Variants in DNAH3 observed in about 807,000 individuals in gnomAD.
DNAH3 encodes the protein axonemal beta dynein heavy chain 3.
DNAH3 carries 332 observed loss-of-function variants against 432.5 expected under a neutral mutation model. That is an observed-to-expected ratio of 0.77 (90% confidence interval 0.70 to 0.84). DNAH3 has a LOEUF of 0.84. Ranked by LOEUF, DNAH3 falls within the 40% of genes least tolerant of loss-of-function variation. DNAH3 has a pLI of 0.00. For synonymous variants in DNAH3, 1,956 were observed against 1,900.2 expected (o/e 1.03, Z -0.76); for missense variants, 4,861 against 5,114.0 (o/e 0.95, Z 1.51).
intron 51 of DNAH3, among the ~76,000 whole-genome samples, chr16:20,972,311 G>C (rs1878218685): frequency 6.6e-6 from 1 of 151,120 alleles, no homozygotes; most frequent in Non-Finnish European, 1.5e-5. Flanking sequence ...ATAGCTCACT[G>C]CAGCTCCTGG....
intron 52 of DNAH3, among the ~76,000 whole-genome samples, chr16:20,969,397 T>G (rs1220548077): frequency 6.6e-6 from 1 of 152,180 alleles, no homozygotes; most frequent in Non-Finnish European, 1.5e-5. Context: ...TGTCTCATTC[T>G]TTTGCTTTCC....
Position 21,061,784 on chromosome 16 carries a change from T to C in DNAH3, c.3720+698A>G, listed in dbSNP as rs529746838. ...GGGATGCAACCTGGTCATTTGGATT[T>C]TGATCAAAACTCCATAGGGAAATTC... On this transcript the variant is annotated intron_variant, in intron 25 of 61. Coordinates refer to ENST00000261383, the Ensembl canonical transcript of DNAH3. Among the ~76,000 whole-genome samples the C allele has an allele frequency of 5.3e-5, 8 of 152,360 alleles. No individual in the cohort carries two copies. The East Asian group carries it at 1.5e-3, about 29-fold the overall frequency.
chr16:21,086,825 G>C (rs747250518), intron 19 of DNAH3, 24 bp downstream of exon 19: 1 of 1,607,026 alleles, frequency 6.2e-7, no homozygotes, highest in Non-Finnish European at 8.5e-7. Context: ...CGCTGCTTGG[G>C]GGCGGGCAGT....
intron 41 of DNAH3, among the ~76,000 whole-genome samples, chr16:21,011,218 CAG>C (rs1422238341): frequency 1.3e-5 from 2 of 151,944 alleles, no homozygotes; most frequent in Non-Finnish European, 2.9e-5. Flanking sequence ...TCTCTGCAGA[CAG>C]AGCATAAACA....
chr16:21,053,729 C>T (rs1040224572), intron 28 of DNAH3, among the ~76,000 whole-genome samples: 5 of 152,098 alleles, frequency 3.3e-5, no homozygotes, highest in South Asian at 4.2e-4. Context: ...GAGCAAGAGA[C>T]TCTGTTCCCA....
At chr16:21,148,236 CAG>C (rs1460469264) in intron 1 of DNAH3, among the ~76,000 whole-genome samples, 2 of 152,004 alleles carry the variant, frequency 1.3e-5, no homozygotes, top group African/African-American at 4.8e-5. Flanking sequence ...TAAATAACAA[CAG>C]AAAAACAACA....
chr16:20,965,018 T>C, exon 53 of DNAH3: 1 of 1,614,188 alleles, frequency 6.2e-7, no homozygotes, highest in Non-Finnish European at 8.5e-7. Context: ...ATTTCAATGT[T>C]TTCCTCCAAG....
In DNAH3 at chr16:21,059,026, T is replaced by A. The variant is rs546472531; in HGVS notation, c.3814-830A>T. Among the ~76,000 whole-genome samples, 197 of 152,020 alleles carry A rather than the reference T, an allele frequency of 1.3e-3. 2 individuals are homozygous for A. Among genetic ancestry groups the A allele is most frequent in the Admixed American group, 9.2e-4 (14 of 15,230 alleles). The stretch of plus-strand genomic sequence containing the variant: ...AAATAAAATAAAATTTAAAAAAATT[T>A]AAAAAAAAGAAATACAGCCATGCCC... On this transcript the variant is annotated intron_variant, in intron 26 of 61. Coordinates refer to ENST00000261383, the Ensembl canonical transcript of DNAH3.
chr16:21,009,498 T>G (rs1329735314), intron 41 of DNAH3, among the ~76,000 whole-genome samples: 1 of 152,200 alleles, frequency 6.6e-6, no homozygotes, highest in Non-Finnish European at 1.5e-5. Context: ...ACTAAAAGAC[T>G]GAATTGGTAA....
At chr16:20,936,716 G>C (rs1460103100) in exon 60 of DNAH3, 1 of 1,608,586 alleles carries the variant, frequency 6.2e-7, no homozygotes, top group Non-Finnish European at 8.5e-7. Context: ...TGATGGGTAA[G>C]ACTTGGCTGC....
At chr16:21,037,046 C>T (rs2089206008) in intron 34 of DNAH3, among the ~76,000 whole-genome samples, 198 bp from the exon 35 acceptor site, 1 of 152,112 alleles carries the variant, frequency 6.6e-6, no homozygotes, top group Non-Finnish European at 1.5e-5. Flanking sequence ...GGCCAGAATC[C>T]CTGTGTAATC....
chr16:21,021,932 C>T (rs773994771), intron 40 of DNAH3, 39 bp downstream of exon 40: 2 of 1,608,730 alleles, frequency 1.2e-6, no homozygotes, highest in Admixed American at 1.7e-5. Context: ...AAGGTAGACC[C>T]ACCCCCCATG....
chr16:20,984,976 G>A, intron 48 of DNAH3, 73 bp downstream of exon 48: 1 of 1,278,050 alleles, frequency 7.8e-7, no homozygotes, highest in Non-Finnish European at 1.1e-6. Context: ...TAAGGGATTG[G>A]CCTGCTCAGG....
At chr16:21,002,213 T>TTC (rs2087054335) in intron 42 of DNAH3, among the ~76,000 whole-genome samples, 1 of 152,056 alleles carries the variant, frequency 6.6e-6, no homozygotes, top group Non-Finnish European at 1.5e-5. Context: ...TTCAGAAAGA[T>TTC]AAACTATGCC....
At chr16:21,127,476 G>T (rs948196574) in intron 8 of DNAH3, among the ~76,000 whole-genome samples, 1 of 151,616 alleles carries the variant, frequency 6.6e-6, no homozygotes, top group African/African-American at 2.4e-5. Context: ...CAGGATAATC[G>T]CTTGAACCCG....
In DNAH3 at chr16:21,039,878, G is replaced by C; in HGVS notation, c.4704C>G (p.Tyr1568Ter). Reference sequence around the variant, plus strand: ...TTCTGGAGTCCAGAAACCCCATGGAGTAGAGGGAGATTTCTCCAATGAGGG... The same window carrying C: ...TTCTGGAGTCCAGAAACCCCATGGACTAGAGGGAGATTTCTCCAATGAGGG... The change falls in exon 33 of 62, where the codon TAC becomes TAG. Residue 1568 changes from tyrosine (Y) to a stop codon, truncating the protein, a stop_gained. Transcript: ENST00000261383. LOFTEE classifies it high-confidence loss of function. 1 of 1,613,676 alleles carries C rather than the reference G, an allele frequency of 6.2e-7. No individual in the cohort carries two copies. The highest frequency in any genetic ancestry group is 8.5e-7 in the Non-Finnish European group (1 of 1,179,598).
intron 27 of DNAH3, among the ~76,000 whole-genome samples, chr16:21,056,670 T>C (rs2090147449): frequency 6.6e-6 from 1 of 152,180 alleles, no homozygotes; most frequent in South Asian, 2.1e-4. Flanking sequence ...GGATGATTAT[T>C]CTGTGTCAAC....
At chr16:21,000,006 G>A (rs1310064536) in intron 43 of DNAH3, among the ~76,000 whole-genome samples, 1 of 140,978 alleles carries the variant, frequency 7.1e-6, no homozygotes, top group African/African-American at 2.5e-5. Context: ...AGGAAGGAAG[G>A]AGAAAAGGAG....
At chr16:20,963,366 G>A (rs1370843650) in exon 53 of DNAH3, 5 of 1,614,008 alleles carry the variant, frequency 3.1e-6, no homozygotes, top group Middle Eastern at 1.6e-4. Flanking sequence ...CCTGGAGATC[G>A]AACGTAGGGG....
Sources: allele counts gnomAD v4.1 joint callset (sites outside exome capture counted in the v4.1 genomes callset), GRCh38; gene constraint gnomAD v4.1.1; transcripts MANE v1.5; gene names NCBI Gene and HGNC (gene_info 2026-07-23, HGNC 2026-07-21).